The following SETD2 variants were observed in gnomAD, a reference collection of about 807,000 sequenced individuals.
SETD2 encodes SET domain containing 2, histone lysine methyltransferase.
A neutral mutation model predicts 242.1 loss-of-function variants in SETD2; 31 were observed. That is an observed-to-expected ratio of 0.13 (90% confidence interval 0.10 to 0.17). The LOEUF (loss-of-function observed/expected upper bound fraction) is 0.17, where lower values mean the gene tolerates loss of function less well. Ranked by LOEUF, SETD2 falls within the 10% of genes least tolerant of loss-of-function variation. SETD2 has a pLI of 1.00. For missense variants in SETD2, 2,481 were observed against 3,046.3 expected, an observed-to-expected ratio of 0.81 and a Z score of 4.37; for synonymous variants, 1,006 against 1,066.5, an observed-to-expected ratio of 0.94 and a Z score of 1.11.
At chr3:47,088,300 A>T in intron 9 of SETD2, 53 bp from the exon 10 acceptor site, 2 of 1,553,890 alleles carry the variant, frequency 1.3e-6, no homozygotes, top group East Asian at 2.2e-5. Context: ...ACAAAAAAAA[A>T]AACCAAAAAC....
At chr3:47,087,689 G>A (rs1012720657) in intron 10 of SETD2, among the ~76,000 whole-genome samples, 10 of 152,082 alleles carry the variant, frequency 6.6e-5, no homozygotes, top group African/African-American at 1.7e-4. Context: ...AAAACTGGCC[G>A]GCCATGGTGG....
At chr3:47,060,896 AAATAATTC>A (rs1361630183) in intron 14 of SETD2, among the ~76,000 whole-genome samples, 4 of 151,730 alleles carry the variant, frequency 2.6e-5, no homozygotes, top group African/African-American at 4.8e-5. Context: ...TAAAAAAGAC[AAATAATTC>A]AATGAATGAA....
intron 12 of SETD2, among the ~76,000 whole-genome samples, chr3:47,082,240 T>G (rs534154142): frequency 1.3e-5 from 2 of 152,348 alleles, no homozygotes; most frequent in African/African-American, 4.8e-5. Flanking sequence ...TCTTAGCAGT[T>G]TTAAAAAATA....
chr3:47,084,662 G>A (rs1454711574), intron 11 of SETD2, among the ~76,000 whole-genome samples: 2 of 151,944 alleles, frequency 1.3e-5, no homozygotes, highest in Non-Finnish European at 2.9e-5. Context: ...CTGACCTCAA[G>A]TGATCCACCC....
chr3:47,124,497 T>G lies in SETD2; in HGVS notation c.139A>C (p.Lys47Gln). 1.3e-6 allele frequency: 2 copies of G among 1,551,270 alleles called. No individual in the cohort carries two copies. Among genetic ancestry groups the G allele is most frequent in the Non-Finnish European group, 1.7e-6 (2 of 1,146,720 alleles). ...KTGFIKGPMF[K>Q]GVASSRFLPK... ...AAAAATCGACTAGAAGCAACACCTT[T>G]GAACATTGGTCCTTTGATGAAACCT... Residue 47 changes from lysine (K) to glutamine (Q), a missense_variant, in exon 3 of 21, where the codon AAA becomes CAA. Lys to Gln is a moderately conservative substitution (Grantham distance 53). This residue lies in a region of SETD2 where 334 missense variants were observed against 374.5 expected (regional missense o/e 0.89). Transcript: ENST00000409792.
chr3:47,125,433 T>C lies in SETD2; in HGVS notation c.88-885A>G, dbSNP rs899563066. ...AGCTCTAAGATGAGGAAAGGGTTTG[T>C]TTTTTGGGGTGTTTTGAGGTTTTGG... On this transcript the variant is annotated intron_variant, in intron 2 of 20. Coordinates refer to ENST00000409792, the MANE Select transcript of SETD2 (RefSeq NM_014159.7). Among the ~76,000 whole-genome samples the C allele has an allele frequency of 2.6e-5, 4 of 152,256 alleles. No individual in the cohort carries two copies. The East Asian group carries it at 5.8e-4, about 22-fold the overall frequency.
At chr3:47,107,720 CGGGGGGG>C (rs1184327932) in intron 5 of SETD2, among the ~76,000 whole-genome samples, 10,209 of 129,840 alleles carry the variant, frequency 0.079, 754 homozygotes, top group African/African-American at 0.17. Flanking sequence ...CTTTGGGTGG[CGGGGGGG>C]GGTGGGGGGG....
intron 1 of SETD2, among the ~76,000 whole-genome samples, chr3:47,146,057 A>G (rs565300625): frequency 7.0e-4 from 103 of 147,888 alleles, no homozygotes; most frequent in African/African-American, 2.4e-3. Flanking sequence ...TACAGCCTAA[A>G]TTGTCTGCTA....
At chr3:47,115,914 G>A (rs893505316) in intron 4 of SETD2, among the ~76,000 whole-genome samples, 1 of 152,138 alleles carries the variant, frequency 6.6e-6, no homozygotes, top group Non-Finnish European at 1.5e-5. Flanking sequence ...CCAAATAGCT[G>A]GGATTACAGG....
intron 14 of SETD2, among the ~76,000 whole-genome samples, chr3:47,058,660 A>C (rs191648597): frequency 1.3e-5 from 2 of 152,180 alleles, no homozygotes; most frequent in Non-Finnish European, 2.9e-5. Context: ...AAGTGAAAGA[A>C]GGCAAATTCA....
At position 47,083,944 on chromosome 3, in the gene SETD2, C is replaced by A. The variant is rs1398931878; in HGVS notation, c.5836G>T (p.Ala1946Ser). The A allele has an allele frequency of 6.2e-7, 1 of 1,614,164 alleles. No homozygotes were observed. The highest frequency in any genetic ancestry group is 1.1e-5 in the South Asian group (1 of 91,084). ...CKVDSETNIE[A>S]SKLPTSEPEA... ...GGTTCAGATGTAGGTAGCTTACTAG[C>A]TTCTATGTTGGTTTCACTATCAACT... Residue 1946 changes from alanine (A) to serine (S), a missense_variant, in exon 12 of 21, where the codon GCT becomes TCT. Ala to Ser is a moderately conservative substitution (Grantham distance 99). Coordinates refer to ENST00000409792, the MANE Select transcript of SETD2 (RefSeq NM_014159.7).
In SETD2 at chr3:47,123,816, G is replaced by C. The variant is rs869025571; in HGVS notation, c.820C>G (p.Gln274Glu). 2 of 1,547,642 alleles carry C rather than the reference G, an allele frequency of 1.3e-6. No individual in the cohort carries two copies. The highest frequency in any genetic ancestry group is 1.7e-4 in the Middle Eastern group (1 of 5,994). ...TCTTTTTTTGAGGAAATATCTGCTT[G>C]CTCATTCAATATTTGAGTTACGTGT... ...EEHVTQILNE[Q>E]ADISSKKEDS... The change falls in exon 3 of 21, where the codon CAA becomes GAA. Residue 274 changes from glutamine to glutamate, a missense_variant. Transcript: ENST00000409792.
intron 12 of SETD2, among the ~76,000 whole-genome samples, chr3:47,082,234 AG>A (rs1285552642): frequency 6.6e-6 from 1 of 152,252 alleles, no homozygotes; most frequent in African/African-American, 2.4e-5. Flanking sequence ...ATTACTTCTT[AG>A]CAGTTTTAAA....
At chr3:47,163,662 G>A (rs1035405359) in intron 1 of SETD2, 192 bp downstream of exon 1, 8 of 362,948 alleles carry the variant, frequency 2.2e-5, no homozygotes, top group Non-Finnish European at 3.6e-5. Flanking sequence ...GGGCCCAACC[G>A]CGGGCCTGCT....
chr3:47,104,551 AG>A (rs951647621), intron 6 of SETD2, among the ~76,000 whole-genome samples: 2 of 152,108 alleles, frequency 1.3e-5, no homozygotes, highest in Non-Finnish European at 2.9e-5. Flanking sequence ...AAAAAAAAAA[AG>A]TTATTTTTCA....
chr3:47,113,560 C>T (rs1430264265), intron 5 of SETD2, among the ~76,000 whole-genome samples: 3 of 152,062 alleles, frequency 2.0e-5, no homozygotes, highest in Non-Finnish European at 1.5e-5. Flanking sequence ...GAAGCCCAGG[C>T]GCGACGGCTC....
intron 1 of SETD2, among the ~76,000 whole-genome samples, chr3:47,153,251 T>G (rs1009936926): frequency 2.6e-5 from 4 of 152,146 alleles, no homozygotes; most frequent in Admixed American, 6.5e-5. Context: ...GAGACTCAAA[T>G]ACAACATTTT....
Position 47,120,983 on chromosome 3 carries a change from T to G in SETD2, c.3653A>C (p.Gln1218Pro), listed in dbSNP as rs2043058316. 1 of 1,614,246 alleles carries G rather than the reference T, an allele frequency of 6.2e-7. No individual in the cohort carries two copies. Among genetic ancestry groups the G allele is most frequent in the Non-Finnish European group, 8.5e-7 (1 of 1,180,028 alleles). The change falls in exon 3 of 21, where the codon CAA becomes CCA. Residue 1218 changes from glutamine to proline, a missense_variant. Gln to Pro is a moderately conservative substitution (Grantham distance 76). Around this residue, in one of 17 missense-constraint regions of SETD2, gnomAD observed 1,300 missense variants for 1,259.2 expected, o/e 1.03. Transcript: ENST00000409792. ...TGGCCTGTTTTGGAAAGTGGTCTGT[T>G]GCCAAGACTTATTTGGGACATCTTC... ...DFEDVPNKSW[Q>P]QTTFQNRPDS...
At chr3:47,086,460 T>G (rs2041562968) in intron 10 of SETD2, 146 bp from the exon 11 acceptor site, 1 of 648,532 alleles carries the variant, frequency 1.5e-6, no homozygotes, top group Non-Finnish European at 2.5e-6. Context: ...TCTGTTTTCA[T>G]TAGCCTAAAT....
Sources: gnomAD v4.1 joint callset for allele counts (sites outside exome capture counted in the v4.1 genomes callset) on GRCh38, gnomAD v4.1.1 for gene constraint, gnomAD v4.1.1 regional missense constraint, MANE v1.5 for transcripts, NCBI Gene and HGNC (gene_info 2026-07-23, HGNC 2026-07-21) for gene names.